PPP2R2B: variants seen among roughly 807,000 people sequenced by gnomAD.
PPP2R2B encodes the protein protein phosphatase 2 regulatory subunit Bbeta, also known as serine/threonine-protein phosphatase 2A 55 kDa regulatory subunit B beta isoform.
In PPP2R2B, 5 loss-of-function variants were observed where a neutral mutation model predicts 46.0. The ratio of observed to expected loss-of-function variants is 0.11; its 90% CI spans 0.06 to 0.23. The LOEUF (loss-of-function observed/expected upper bound fraction) is 0.23, where lower values mean the gene tolerates loss of function less well. PPP2R2B is among the 10% of genes least tolerant of loss of function. The pLI, the probability that PPP2R2B is intolerant of heterozygous loss-of-function variation, is 1.00. For missense variants in PPP2R2B, 367 were observed against 575.0 expected (o/e 0.64, Z 3.70); for synonymous variants, 215 against 206.7 (o/e 1.04, Z -0.34).
chr5:146,910,471 C>A (rs1458700903), intron 1 of PPP2R2B, among the ~76,000 whole-genome samples: 1 of 152,170 alleles, frequency 6.6e-6, no homozygotes, highest in Admixed American at 6.5e-5. Context: ...CAGTGAATAC[C>A]TTTATCCTTA....
intron 2 of PPP2R2B, among the ~76,000 whole-genome samples, chr5:147,079,052 G>GA (rs1377738192): frequency 6.6e-6 from 1 of 151,914 alleles, no homozygotes; most frequent in East Asian, 1.9e-4. Flanking sequence ...TCATGTAGAA[G>GA]ACACTCAAAA....
chr5:146,837,943 C>A (rs1213518504), intron 2 of PPP2R2B, among the ~76,000 whole-genome samples: 2 of 152,112 alleles, frequency 1.3e-5, no homozygotes, highest in East Asian at 3.9e-4. Context: ...AGTTCCGGGG[C>A]ATGTTTGTTC....
intron 1 of PPP2R2B, among the ~76,000 whole-genome samples, chr5:146,959,000 T>C (rs1561541616): frequency 6.6e-6 from 1 of 152,204 alleles, no homozygotes; most frequent in Non-Finnish European, 1.5e-5. Flanking sequence ...TGTTGAGATC[T>C]TGTTTATTTC....
chr5:146,653,850 G>C (rs1299395410), intron 5 of PPP2R2B, among the ~76,000 whole-genome samples: 1 of 152,102 alleles, frequency 6.6e-6, no homozygotes, highest in Non-Finnish European at 1.5e-5. Context: ...AAGACAGGGG[G>C]GATGGAGAGC....
chr5:146,632,968 C>G (rs1407379322), intron 7 of PPP2R2B, among the ~76,000 whole-genome samples: 1 of 152,126 alleles, frequency 6.6e-6, no homozygotes, highest in East Asian at 1.9e-4. Flanking sequence ...TCCTTTCATT[C>G]CCCAGGTTGG....
chr5:147,072,003 A>G (rs1405243592), intron 2 of PPP2R2B, among the ~76,000 whole-genome samples: 1 of 152,198 alleles, frequency 6.6e-6, no homozygotes, highest in Admixed American at 6.5e-5. Context: ...CATTTTCAAG[A>G]CAGTCAACCA....
chr5:147,051,866 A>T lies in PPP2R2B; in HGVS notation c.79+3799T>A, dbSNP rs1580859229. Among the ~76,000 whole-genome samples the T allele has an allele frequency of 2.1e-5, 3 of 144,512 alleles. No homozygotes were observed. In the South Asian group the frequency reaches 6.5e-4, roughly 31 times the overall value. The allele number at this position is 144,512 out of a possible 152,430, so 94.8% of individuals were successfully genotyped here. On this transcript the variant is annotated intron_variant, in intron 1 of 8. Coordinates refer to the PPP2R2B transcript ENST00000336640. ...CAACCTCTGCCTCCCGGGTTCAAGC[A>T]ATTCTCCTGCCTCAGCCTCCCAAGT...
chr5:146,631,595 T>C (rs1383530294), intron 7 of PPP2R2B, among the ~76,000 whole-genome samples: 6 of 152,176 alleles, frequency 3.9e-5, no homozygotes, highest in African/African-American at 1.4e-4. Context: ...CCCTACTTAT[T>C]GGGGAACCTC....
intron 2 of PPP2R2B, among the ~76,000 whole-genome samples, chr5:146,820,665 C>T (rs1441112343): frequency 1.3e-5 from 2 of 152,158 alleles, no homozygotes; most frequent in Admixed American, 6.5e-5. Context: ...GACCATATTT[C>T]CAAATCCACT....
intron 1 of PPP2R2B, among the ~76,000 whole-genome samples, chr5:146,885,111 G>C (rs1332128165): frequency 1.3e-5 from 2 of 152,144 alleles, no homozygotes; most frequent in Admixed American, 1.3e-4. Flanking sequence ...AGTAATTATA[G>C]CTAACACTGA....
intron 2 of PPP2R2B, among the ~76,000 whole-genome samples, chr5:146,773,201 G>A (rs549408703): frequency 6.6e-6 from 1 of 152,304 alleles, no homozygotes; most frequent in Admixed American, 6.5e-5. Flanking sequence ...GGATTAAACA[G>A]TATTATCCAG....
At chr5:146,757,560 A>G (rs1360435094) in intron 2 of PPP2R2B, among the ~76,000 whole-genome samples, 1 of 152,154 alleles carries the variant, frequency 6.6e-6, no homozygotes, top group Non-Finnish European at 1.5e-5. Context: ...TTGGACATGC[A>G]GGGGTGTCTG....
intron 1 of PPP2R2B, among the ~76,000 whole-genome samples, chr5:146,909,709 A>G (rs1004626418): frequency 6.6e-6 from 1 of 152,234 alleles, no homozygotes; most frequent in Non-Finnish European, 1.5e-5. Context: ...ATCCTGTGAC[A>G]TATCTTGAGA....
At chr5:147,034,214 A>G (rs1755929661) in intron 1 of PPP2R2B, among the ~76,000 whole-genome samples, 1 of 152,102 alleles carries the variant, frequency 6.6e-6, no homozygotes, top group Non-Finnish European at 1.5e-5. Context: ...TGGTTTTTGT[A>G]TGGCTGATGA....
At chr5:146,836,512 C>A (rs1381985753) in intron 2 of PPP2R2B, among the ~76,000 whole-genome samples, 2 of 152,172 alleles carry the variant, frequency 1.3e-5, no homozygotes, top group African/African-American at 4.8e-5. Flanking sequence ...GGCTCAGCTC[C>A]TAAAAGAGTG....
Position 146,701,056 on chromosome 5 carries a change from G to C in PPP2R2B, c.157C>G (p.Arg53Gly). The C allele has an allele frequency of 6.2e-7, 1 of 1,611,980 alleles. No individual in the cohort carries two copies. The highest frequency in any genetic ancestry group is 8.5e-7 in the Non-Finnish European group (1 of 1,178,100). ...TCACCACCACTTACCTCCTGCTCTC[G>C]TTGAAATATTACAACCCGACCCCCC... ...DKGGRVVIFQ[R>G]EQESKNQVHR... The change falls in exon 3 of 10, where the codon CGA becomes GGA. Residue 53 changes from arginine to glycine, a missense_variant. This residue lies in a region of PPP2R2B where 361 missense variants were observed against 545.5 expected (regional missense o/e 0.66). Transcript: ENST00000394411.
intron 4 of PPP2R2B, among the ~76,000 whole-genome samples, chr5:146,695,315 T>C (rs1266239086): frequency 6.6e-6 from 1 of 152,148 alleles, no homozygotes; most frequent in Non-Finnish European, 1.5e-5. Flanking sequence ...ATGTACTAAT[T>C]TCATAGTGAG....
chr5:146,816,639 G>A (rs1427624754), intron 2 of PPP2R2B, among the ~76,000 whole-genome samples: 1 of 152,112 alleles, frequency 6.6e-6, no homozygotes, highest in African/African-American at 2.4e-5. Context: ...CATGAAGACT[G>A]CATTGTCCAA....
chr5:146,899,051 T>G (rs1007681599), intron 1 of PPP2R2B, among the ~76,000 whole-genome samples: 1 of 151,826 alleles, frequency 6.6e-6, no homozygotes, highest in Admixed American at 6.6e-5. Flanking sequence ...TCAACCATTG[T>G]GGAAGTCAGT....
Sources: gnomAD v4.1 joint callset for allele counts (sites outside exome capture counted in the v4.1 genomes callset) on GRCh38, gnomAD v4.1.1 for gene constraint, gnomAD v4.1.1 regional missense constraint, MANE v1.5 for transcripts, NCBI Gene and HGNC (gene_info 2026-07-23, HGNC 2026-07-21) for gene names.